The following TNFAIP6 variants were observed in gnomAD, a reference collection of about 807,000 sequenced individuals.
The protein encoded by TNFAIP6 is TNF alpha induced protein 6.
TNFAIP6 carries 36 observed loss-of-function variants against 33.7 expected under a neutral mutation model. The ratio of observed to expected loss-of-function variants is 1.07; its 90% CI spans 0.82 to 1.41. TNFAIP6 has a LOEUF of 1.41. Ranked by LOEUF, TNFAIP6 falls within the 40% of genes most tolerant of loss-of-function variation. TNFAIP6 has a pLI of 0.00. For missense variants in TNFAIP6, 273 were observed against 331.9 expected (o/e 0.82, Z 1.38); for synonymous variants, 113 against 112.8 (o/e 1.00, Z -0.01).
chr2:151,357,623 G>A lies in TNFAIP6; in HGVS notation c.-44G>A, dbSNP rs767202160. ...ATTTCAGCCACTGCTCTGAGAATTT[G>A]TGAGCAGCCCCTAACAGGCTGTTAC... On this transcript the variant is annotated 5_prime_UTR_variant, in exon 1 of 6. In the 5' UTR this introduces an upstream ATG that the reference lacks. Transcript: ENST00000243347. The A allele has an allele frequency of 5.7e-6, 7 of 1,232,080 alleles. No individual in the cohort carries two copies. The allele number at this position is 1,232,080 out of a possible 1,614,324, so 76.3% of individuals were successfully genotyped here. A position where few individuals can be genotyped will look rare whatever the true frequency, so the allele number is the denominator to read the frequency against.
intron 3 of TNFAIP6, among the ~76,000 whole-genome samples, chr2:151,369,154 C>A (rs182081354): frequency 1.3e-4 from 20 of 152,254 alleles, no homozygotes; most frequent in Admixed American, 1.2e-3. Context: ...TGTGCCACTG[C>A]ACTCCAGCCT....
At chr2:151,359,959 A>T (rs1684598059) in intron 1 of TNFAIP6, among the ~76,000 whole-genome samples, 1 of 152,248 alleles carries the variant, frequency 6.6e-6, no homozygotes, top group South Asian at 2.1e-4. Flanking sequence ...AGAATAAAAA[A>T]TGCACAGATA....
At chr2:151,363,523 G>T (rs559379171) in intron 1 of TNFAIP6, among the ~76,000 whole-genome samples, 120 of 150,160 alleles carry the variant, frequency 8.0e-4, no homozygotes, top group African/African-American at 2.9e-3. Context: ...TTAGCCAGGC[G>T]TGATGGCGGG....
intron 4 of TNFAIP6, among the ~76,000 whole-genome samples, chr2:151,373,298 G>C (rs999466632): frequency 6.6e-6 from 1 of 152,232 alleles, no homozygotes; most frequent in Admixed American, 6.5e-5. Flanking sequence ...CTGAGCGACA[G>C]AGCAAGACTC....
intron 5 of TNFAIP6, among the ~76,000 whole-genome samples, chr2:151,376,886 G>GT (rs1330121030): frequency 4.1e-4 from 22 of 53,418 alleles, no homozygotes; most frequent in Admixed American, 6.7e-4. Context: ...TTTTTTTTTT[G>GT]TTTTTTTTGA....
chr2:151,380,483 G>A (rs1439397774), downstream of TNFAIP6, among the ~76,000 whole-genome samples: 5 of 152,096 alleles, frequency 3.3e-5, no homozygotes, highest in African/African-American at 1.2e-4. Flanking sequence ...AAGACAAAAT[G>A]ACAACAAATT....
At chr2:151,365,759 T>C (rs574953410) in intron 2 of TNFAIP6, among the ~76,000 whole-genome samples, 2 of 152,358 alleles carry the variant, frequency 1.3e-5, no homozygotes, top group South Asian at 4.1e-4. Context: ...TGGCATTCCA[T>C]ACGTCATTTG....
intron 1 of TNFAIP6, among the ~76,000 whole-genome samples, chr2:151,359,420 G>C (rs190956660): frequency 5.9e-5 from 8 of 135,812 alleles, no homozygotes; most frequent in Non-Finnish European, 4.6e-5. Flanking sequence ...GCAGAGTCTC[G>C]CTCTGTTGCC....
intron 3 of TNFAIP6, 102 bp from the exon 4 acceptor site, chr2:151,369,918 T>C (rs1290707928): frequency 1.2e-6 from 1 of 867,416 alleles, no homozygotes; most frequent in East Asian, 2.5e-5. Flanking sequence ...ACATTTAACA[T>C]TTCATAAAAA....
chr2:151,379,181 C>A (rs547138393), intron 5 of TNFAIP6, among the ~76,000 whole-genome samples, 183 bp from the exon 6 acceptor site: 2 of 152,282 alleles, frequency 1.3e-5, no homozygotes, highest in African/African-American at 4.8e-5. Flanking sequence ...ATACAAACGT[C>A]TCTCACCCTG....
intron 4 of TNFAIP6, among the ~76,000 whole-genome samples, chr2:151,373,136 G>A (rs575325007): frequency 8.6e-4 from 131 of 151,988 alleles, no homozygotes; most frequent in African/African-American, 2.5e-3. Context: ...TGGCCAACAT[G>A]GTGAAACCCC....
At chr2:151,377,286 C>T (rs371188070) in intron 5 of TNFAIP6, among the ~76,000 whole-genome samples, 1 of 152,170 alleles carries the variant, frequency 6.6e-6, no homozygotes, top group African/African-American at 2.4e-5. Context: ...TCTCCTGCCT[C>T]AGCCTCCCAA....
At chr2:151,362,225 A>T (rs1052212132) in intron 1 of TNFAIP6, among the ~76,000 whole-genome samples, 4 of 152,144 alleles carry the variant, frequency 2.6e-5, no homozygotes, top group Non-Finnish European at 5.9e-5. Context: ...AGGGACTCCA[A>T]ACTCAAAACA....
intron 5 of TNFAIP6, among the ~76,000 whole-genome samples, chr2:151,376,288 C>T (rs114244867): frequency 2.2e-4 from 33 of 151,876 alleles, no homozygotes; most frequent in African/African-American, 7.7e-4. Context: ...CATCCTGATG[C>T]GTACCTGTAG....
At chr2:151,358,339 A>G (rs1313596541) in intron 1 of TNFAIP6, among the ~76,000 whole-genome samples, 2 of 152,240 alleles carry the variant, frequency 1.3e-5, no homozygotes, top group African/African-American at 2.4e-5. Context: ...TACTATCCAT[A>G]TAAATACTTT....
At chr2:151,358,472 CA>C (rs2152010532) in intron 1 of TNFAIP6, among the ~76,000 whole-genome samples, 1 of 152,126 alleles carries the variant, frequency 6.6e-6, no homozygotes, top group African/African-American at 2.4e-5. Flanking sequence ...GCAGAAAATC[CA>C]AAACACCCCT....
chr2:151,366,034 A>AT, intron 2 of TNFAIP6, 22 bp from the exon 3 acceptor site: 2 of 1,613,694 alleles, frequency 1.2e-6, no homozygotes, highest in Non-Finnish European at 1.7e-6. Flanking sequence ...TGTTTAGTCC[A>AT]TAACTCTTTT....
In TNFAIP6 at chr2:151,375,251, A is replaced by G. The variant is rs376718577; in HGVS notation, c.664+1662A>G. On this transcript the variant is annotated intron_variant, in intron 5 of 5. Transcript: ENST00000243347. ...ATTGGCACAACTTCAAGAAACTGGG[A>G]AAAAAAAAACCCACACAATTTATCA... Among the ~76,000 whole-genome samples the G allele has an allele frequency of 8.7e-3, 864 of 99,470 alleles. 4 individuals are homozygous for G. Among genetic ancestry groups the G allele is most frequent in the African/African-American group, 0.038 (805 of 20,958 alleles). The allele number at this position is 99,470 out of a possible 152,430, so 65.3% of individuals were successfully genotyped here. A position where few individuals can be genotyped will look rare whatever the true frequency, so the allele number is the denominator to read the frequency against.
At chr2:151,380,683 T>TA (rs151289841), downstream of TNFAIP6, among the ~76,000 whole-genome samples, 1,101 of 152,324 alleles carry the variant, frequency 7.2e-3, 16 homozygotes, top group African/African-American at 0.025. Context: ...TTATAAAGGT[T>TA]AAAGCAGAGG....
Sources: allele counts gnomAD v4.1 joint callset (sites outside exome capture counted in the v4.1 genomes callset), GRCh38; gene constraint gnomAD v4.1.1; transcripts MANE v1.5; gene names NCBI Gene and HGNC (gene_info 2026-07-23, HGNC 2026-07-21).